Variants in ZNF500 observed in about 807,000 individuals in gnomAD.
ZNF500 encodes zinc finger protein 500.
Under a neutral mutation model 30.1 loss-of-function variants are expected in ZNF500, and 31 were observed. The observed-to-expected ratio is 1.03, with a 90% CI of 0.77 to 1.39. ZNF500 has a LOEUF of 1.39. ZNF500 is among the 40% of genes most tolerant of loss of function. The probability of loss-of-function intolerance (pLI) is 0.00; values close to 1 mark genes in which losing one functional copy is unlikely to be tolerated. For synonymous variants in ZNF500, 392 were observed against 282.0 expected (o/e 1.39, Z -3.91); for missense variants, 817 against 657.8 (o/e 1.24, Z -2.65).
At chr16:4,746,705 C>A (rs2082021734), downstream of ZNF500, 1 of 844,854 alleles carries the variant, frequency 1.2e-6, no homozygotes, top group Non-Finnish European at 1.8e-6. Context: ...ATGAGGCACA[C>A]CTCCTCGGGC....
intron 5 of ZNF500, among the ~76,000 whole-genome samples, chr16:4,754,012 GC>G (rs952200437): frequency 6.6e-6 from 1 of 152,220 alleles, no homozygotes; most frequent in African/African-American, 2.4e-5. Context: ...TCCAGGCTTT[GC>G]CCCTTTCAGG....
chr16:4,758,856 T>C (rs1443507550), intron 5 of ZNF500, among the ~76,000 whole-genome samples: 1 of 152,148 alleles, frequency 6.6e-6, no homozygotes, highest in African/African-American at 2.4e-5. Context: ...CCAAAAACTT[T>C]TGTGCATGAA....
rs1212443467 is a variant in ZNF500 at position 4,750,269 on chromosome 16, G to A, written c.*2107C>T. ...GTAAAAGCCGTCCCTCAACCAGGCAGCCCCATTCTGCAGACACAGGACAGA... is the reference window on the plus strand; with the variant it reads ...GTAAAAGCCGTCCCTCAACCAGGCAACCCCATTCTGCAGACACAGGACAGA... On this transcript the variant is annotated 3_prime_UTR_variant, in exon 6 of 6. Transcript: ENST00000219478. The A allele has an allele frequency of 1.3e-5, 2 of 152,328 alleles. No individual in the cohort carries two copies. The highest frequency in any genetic ancestry group is 2.9e-5 in the Non-Finnish European group (2 of 68,168). 9.4% of individuals were successfully genotyped at this position (152,328 alleles called of 1,614,324 possible).
At chr16:4,745,096 G>T, downstream of ZNF500, 1 of 1,485,412 alleles carries the variant, frequency 6.7e-7, no homozygotes, top group Admixed American at 1.8e-5. Context: ...TACCAAGGGC[G>T]GGGCACTCCA....
rs1471208511 is a variant in ZNF500 at position 4,748,655 on chromosome 16, G to A, written c.*3721C>T. The A allele has an allele frequency of 6.6e-6, 1 of 152,430 alleles. No individual in the cohort carries two copies. Among genetic ancestry groups the A allele is most frequent in the South Asian group, 2.1e-4 (1 of 4,836 alleles). 9.4% of individuals were successfully genotyped at this position (152,430 alleles called of 1,614,324 possible). A position where few individuals can be genotyped will look rare whatever the true frequency, so the allele number is the denominator to read the frequency against. ...ACCGTCTTGCAGCCCCGTCTTCACG[G>A]GATGCTTTTGTAACTGCTGTGATCA... On this transcript the variant is annotated 3_prime_UTR_variant, in exon 6 of 6. Transcript: ENST00000219478.
At position 4,750,708 on chromosome 16, in the gene ZNF500, G is replaced by C. The variant is rs953112684; in HGVS notation, c.*1668C>G. On this transcript the variant is annotated 3_prime_UTR_variant, in exon 6 of 6. Coordinates refer to ENST00000219478, the MANE Select transcript of ZNF500 (RefSeq NM_021646.4). ...GGGGTTTCACCATGTTGGCCAGGAT[G>C]GTCTCGATCTCCTGACCTTGTGATC... 5.3e-5 allele frequency: 8 copies of C among 151,364 alleles called. No individual in the cohort carries two copies. The highest frequency in any genetic ancestry group is 1.2e-4 in the Non-Finnish European group (8 of 68,002). The allele number at this position is 151,364 out of a possible 1,614,324, so 9.4% of individuals were successfully genotyped here.
chr16:4,747,333 T>C (rs1357399176), downstream of ZNF500: 1 of 1,548,426 alleles, frequency 6.5e-7, no homozygotes, highest in African/African-American at 1.4e-5. Context: ...TTGGTCTCAT[T>C]GTGTCACAGG....
chr16:4,746,724 A>AT, downstream of ZNF500: 16 of 790,778 alleles, frequency 2.0e-5, no homozygotes, highest in Non-Finnish European at 2.9e-5. Flanking sequence ...GCTGGGCTCT[A>AT]TGCAATAGAG....
chr16:4,760,916 C>T (rs2082191425), intron 4 of ZNF500, among the ~76,000 whole-genome samples: 1 of 152,116 alleles, frequency 6.6e-6, no homozygotes, highest in South Asian at 2.1e-4. Flanking sequence ...GCTAGCCAGC[C>T]CCAGGACCCC....
intron 5 of ZNF500, 25 bp from the exon 6 acceptor site, chr16:4,753,083 T>C (rs2082102718): frequency 6.7e-7 from 1 of 1,502,056 alleles, no homozygotes; most frequent in East Asian, 2.3e-5. Flanking sequence ...GCACGATCTC[T>C]AGGAACTCAC....
At chr16:4,745,965 A>AAG (rs2082011488), downstream of ZNF500, among the ~76,000 whole-genome samples, 1 of 151,726 alleles carries the variant, frequency 6.6e-6, no homozygotes, top group South Asian at 2.1e-4. Context: ...AAAAAAAAAA[A>AAG]AAAAGAAAAA....
chr16:4,761,478 TACACACACACACACACACACACACACAC>T (rs71139657), intron 4 of ZNF500, among the ~76,000 whole-genome samples: 1 of 129,826 alleles, frequency 7.7e-6, no homozygotes, highest in Non-Finnish European at 1.6e-5. Context: ...TACACATACA[TACACACACACACACACACACACACACAC>T]ACACACACAC....
intron 1 of ZNF500, among the ~76,000 whole-genome samples, chr16:4,766,442 G>A (rs2082266014): frequency 6.6e-6 from 1 of 152,040 alleles, no homozygotes; most frequent in Admixed American, 6.6e-5. Flanking sequence ...CAACGTGGTG[G>A]AACCCTGTCT....
rs1329473692 is a variant in ZNF500, at chr16:4,762,697, T to G, written c.474A>C (p.Lys158Asn). ...CCTCTGGCTGAGCCTCTGCCTGGTG[T>G]TTTAAGAACTGTCCCCCTATCCCGA... is the stretch of plus-strand genomic sequence containing the variant. ...VPLGIGGQFL[K>N]HQAEAQPEDL... is the part of the protein sequence containing the mutation. Residue 158 changes from lysine (K) to asparagine (N), a missense_variant, in exon 3 of 6, where the codon AAA becomes AAC. Lys to Asn is a moderately conservative substitution (Grantham distance 94, BLOSUM62 0). Coordinates refer to ENST00000219478, the MANE Select transcript of ZNF500 (RefSeq NM_021646.4). 2 of 1,613,772 alleles carry G rather than the reference T, an allele frequency of 1.2e-6. No homozygotes were observed. The highest frequency in any genetic ancestry group is 2.7e-5 in the African/African-American group (2 of 74,900).
intron 2 of ZNF500, among the ~76,000 whole-genome samples, chr16:4,763,421 A>G (rs1339509582): frequency 8.6e-6 from 1 of 115,766 alleles, no homozygotes; most frequent in Non-Finnish European, 2.0e-5. Context: ...AAAAAAAAGA[A>G]AAAAAAAAGA....
Position 4,766,036 on chromosome 16 carries a change from T to G in ZNF500, c.-58A>C, listed in dbSNP as rs1309457363. ...TTAGAGTTGAACCTGTCTCTCTCTA[T>G]ACCTCTGGCCAGACACAGGAAGAGA... is the stretch of plus-strand genomic sequence containing the variant. On this transcript the variant is annotated 5_prime_UTR_variant, in exon 2 of 6. Coordinates refer to ENST00000219478, the MANE Select transcript of ZNF500 (RefSeq NM_021646.4). 6.7e-7 allele frequency: 1 copy of G among 1,499,350 alleles called. No individual in the cohort carries two copies. The highest frequency in any genetic ancestry group is 1.4e-5 in the African/African-American group (1 of 71,532). The allele number at this position is 1,499,350 out of a possible 1,614,324, so 92.9% of individuals were successfully genotyped here.
chr16:4,766,295 G>A (rs2082264933), intron 1 of ZNF500, among the ~76,000 whole-genome samples: 2 of 152,154 alleles, frequency 1.3e-5, no homozygotes, highest in Non-Finnish European at 1.5e-5. Flanking sequence ...AAACAGAGAT[G>A]ATAACAGGAC....
chr16:4,747,319 G>T, downstream of ZNF500: 3 of 1,534,532 alleles, frequency 2.0e-6, no homozygotes, highest in Non-Finnish European at 2.6e-6. Context: ...GGGGTTGAGT[G>T]AATTTGGTCT....
In ZNF500 at chr16:4,752,543, C is replaced by G; in HGVS notation, c.1276G>C (p.Ala426Pro). The G allele has an allele frequency of 6.4e-7, 1 of 1,567,162 alleles. No individual in the cohort carries two copies. Reference sequence around the variant, plus strand: ...TCACCTGTGTGCGTCCGGCGGTGGGCGCTGAAGTGCGAGCTGTTGTTGAAG... The same window carrying G: ...TCACCTGTGTGCGTCCGGCGGTGGGGGCTGAAGTGCGAGCTGTTGTTGAAG... ...KRFNNSSHFS[A>P]HRRTHTGEKP... The change falls in exon 6 of 6, where the codon GCC (alanine) becomes CCC (proline). Residue 426 changes from alanine (A) to proline (P), a missense_variant. By Grantham distance (27) the Ala-to-Pro change is conservative. Coordinates refer to ENST00000219478, the MANE Select transcript of ZNF500 (RefSeq NM_021646.4).
Sources: gnomAD v4.1 joint callset for allele counts (sites outside exome capture counted in the v4.1 genomes callset) on GRCh38, gnomAD v4.1.1 for gene constraint, MANE v1.5 for transcripts, NCBI Gene and HGNC (gene_info 2026-07-23, HGNC 2026-07-21) for gene names.